Variants in MAJIN observed in about 807,000 individuals in gnomAD.
MAJIN encodes membrane-anchored junction protein.
In MAJIN, 27 loss-of-function variants were observed where a neutral mutation model predicts 30.2. The observed-to-expected ratio is 0.89, with a 90% CI of 0.66 to 1.23. The LOEUF (loss-of-function observed/expected upper bound fraction) is 1.23, where lower values mean the gene tolerates loss of function less well. Among genes scored for constraint, MAJIN ranks in the 50% most tolerant of loss-of-function variants. MAJIN has a pLI of 0.00. For missense variants in MAJIN, 253 were observed against 260.3 expected (o/e 0.97, Z 0.19); for synonymous variants, 78 against 91.6 (o/e 0.85, Z 0.85).
chr11:64,969,258 G>C (rs1467403456), intron 1 of MAJIN, among the ~76,000 whole-genome samples: 1 of 152,188 alleles, frequency 6.6e-6, no homozygotes, highest in Non-Finnish European at 1.5e-5. Context: ...CAGTCTCCTA[G>C]TGTGTAAGGG....
chr11:64,971,540 G>T (rs764874339), intron 1 of MAJIN, among the ~76,000 whole-genome samples: 1 of 151,954 alleles, frequency 6.6e-6, no homozygotes, highest in African/African-American at 2.4e-5. Flanking sequence ...CTCTGGAGTC[G>T]GCGGACGACA....
At chr11:64,944,752 A>G (rs1945425478) in intron 8 of MAJIN, among the ~76,000 whole-genome samples, 1 of 152,182 alleles carries the variant, frequency 6.6e-6, no homozygotes, top group African/African-American at 2.4e-5. Context: ...GAAGAAAGTG[A>G]GTTGTTTGTG....
rs796351384 is a variant in MAJIN, at chr11:64,949,393, C to T, written c.349+350G>A. 5.6e-4 allele frequency among the ~76,000 whole-genome samples: 85 copies of T among 152,228 alleles called. 1 individual carries two copies. Among genetic ancestry groups the T allele is most frequent in the African/African-American group, 1.9e-3 (79 of 41,546 alleles). ...TAAAGTGAAAATCATAGAATTCTCT[C>T]TAATGGAAGGGTTTATATAATAGTT... is the stretch of plus-strand genomic sequence containing the variant. On this transcript the variant is annotated intron_variant, in intron 6 of 10. Coordinates refer to ENST00000301896, the MANE Select transcript of MAJIN (RefSeq NM_001037225.3).
intron 4 of MAJIN, chr11:64,954,487 A>G (rs1945601326): frequency 3.8e-6 from 2 of 531,532 alleles, no homozygotes; most frequent in Non-Finnish European, 6.8e-6. Flanking sequence ...AGCTGCAACA[A>G]AAGAGAGCTG....
chr11:64,959,491 G>T, intron 2 of MAJIN, 69 bp from the exon 3 acceptor site: 1 of 1,228,922 alleles, frequency 8.1e-7, no homozygotes, highest in Non-Finnish European at 1.2e-6. Context: ...AAGGGAACCT[G>T]CCCAATCTGT....
rs765201427 is a variant in MAJIN, at chr11:64,940,598, C to A, written c.522G>T (p.Leu174=). The change falls in exon 9 of 11, where the codon CTG becomes CTT. Residue 174 remains leucine (L), a synonymous_variant. Coordinates refer to ENST00000301896, the MANE Select transcript of MAJIN (RefSeq NM_001037225.3). ...PNKDCRRLWP[L]ISLMSRNKIL... ...CCTTGTTTCTGGACATCAGTGATAT[C>A]AGAGGCCAGAGTCTCCTGCAATCCT... 1 of 1,613,994 alleles carries A rather than the reference C, an allele frequency of 6.2e-7. No individual in the cohort carries two copies. The highest frequency in any genetic ancestry group is 8.5e-7 in the Non-Finnish European group (1 of 1,180,004).
At chr11:64,950,498 CT>C (rs1945535321) in intron 4 of MAJIN, 68 bp from the exon 5 acceptor site, 2 of 1,362,696 alleles carry the variant, frequency 1.5e-6, no homozygotes, top group African/African-American at 1.4e-5. Context: ...ATATTTGTCA[CT>C]GCTACTCACA....
At chr11:64,967,426 G>GA (rs1945829955) in intron 1 of MAJIN, among the ~76,000 whole-genome samples, 2 of 151,226 alleles carry the variant, frequency 1.3e-5, no homozygotes, top group East Asian at 3.9e-4. Context: ...AAAGAAAAAA[G>GA]AAAAAGAAAA....
intron 1 of MAJIN, among the ~76,000 whole-genome samples, chr11:64,971,228 G>A (rs892810214): frequency 6.6e-6 from 1 of 152,176 alleles, no homozygotes; most frequent in East Asian, 1.9e-4. Context: ...AGGAGTTCAA[G>A]ACCAGCCTGG....
At chr11:64,962,989 T>C (rs1180863731) in intron 1 of MAJIN, among the ~76,000 whole-genome samples, 1 of 152,008 alleles carries the variant, frequency 6.6e-6, no homozygotes, top group African/African-American at 2.4e-5. Flanking sequence ...TGGCCGGGCG[T>C]GGTGGGGGGC....
intron 8 of MAJIN, among the ~76,000 whole-genome samples, chr11:64,945,601 A>G (rs941225021): frequency 1.4e-4 from 21 of 151,702 alleles, no homozygotes; most frequent in Admixed American, 3.3e-4. Context: ...AGTGGCACGA[A>G]CTCAGCTCAC....
chr11:64,939,815 G>A lies in MAJIN; in HGVS notation c.547-48C>T, dbSNP rs749317376. On this transcript the variant is annotated intron_variant, in intron 9 of 10. Transcript: ENST00000301896. ...GGAGCAAGATGTTTGTCCATAGGCC[G>A]TTTTCATGTGAGTAGAAGGCCAAAC... 21 of 1,560,068 alleles carry A rather than the reference G, an allele frequency of 1.3e-5. No homozygotes were observed. In the East Asian group the frequency reaches 2.3e-4, roughly 17 times the overall value.
In MAJIN at chr11:64,956,763, G is replaced by GTTT. The variant is rs398016405; in HGVS notation, c.102-1964_102-1962dup. Among the ~76,000 whole-genome samples the GTTT allele has an allele frequency of 3.1e-3, 314 of 102,376 alleles. 2 individuals are homozygous for GTTT. Among genetic ancestry groups the GTTT allele is most frequent in the Middle Eastern group, 6.5e-3 (1 of 154 alleles). The allele number at this position is 102,376 out of a possible 152,430, so 67.2% of individuals were successfully genotyped here. ...TCCAAACTACAAATACATATAAGCT[G>GTTT]TTTTTTTTTTTTTTTTTTTTGAGAT... is the stretch of plus-strand genomic sequence containing the variant. On this transcript the variant is annotated intron_variant, in intron 3 of 10. Coordinates refer to ENST00000301896, the MANE Select transcript of MAJIN (RefSeq NM_001037225.3).
In MAJIN at chr11:64,940,603, G is replaced by A; in HGVS notation, c.517C>T (p.Pro173Ser). The A allele has an allele frequency of 1.9e-6, 3 of 1,614,060 alleles. No individual in the cohort carries two copies. The highest frequency in any genetic ancestry group is 2.5e-6 in the Non-Finnish European group (3 of 1,179,976). Residue 173 changes from proline (P) to serine (S), a missense_variant, in exon 9 of 11, where the codon CCT becomes TCT. Coordinates refer to ENST00000301896, the MANE Select transcript of MAJIN (RefSeq NM_001037225.3). ...KPNKDCRRLW[P>S]LISLMSRNKI... ...TTTCTGGACATCAGTGATATCAGAGGCCAGAGTCTCCTGCAATCCTTGTTG... is the reference window on the plus strand; with the variant it reads ...TTTCTGGACATCAGTGATATCAGAGACCAGAGTCTCCTGCAATCCTTGTTG...
chr11:64,947,374 C>G lies in MAJIN; in HGVS notation c.473G>C (p.Arg158Thr). The stretch of plus-strand genomic sequence containing the variant: ...GAGCCTCTCTCCCCACACCACTGAC[C>G]TGTCCAGCCCTGGCCTGCTGGGGGA... Reference protein sequence around the residue: ...PSSPSRPGLDRIGKEKPNKDC... With the variant: ...PSSPSRPGLDTIGKEKPNKDC... Residue 158 changes from arginine to threonine, a missense_variant and splice_region_variant, in exon 8 of 11, where the codon AGA becomes ACA. By Grantham distance (71) the Arg-to-Thr change is moderately conservative (BLOSUM62 -1). Transcript: ENST00000301896. 6.2e-7 allele frequency: 1 copy of G among 1,612,436 alleles called. No homozygotes were observed. The highest frequency in any genetic ancestry group is 8.5e-7 in the Non-Finnish European group (1 of 1,179,638).
intron 1 of MAJIN, among the ~76,000 whole-genome samples, chr11:64,964,280 G>A (rs902320543): frequency 6.6e-6 from 1 of 152,106 alleles, no homozygotes; most frequent in Non-Finnish European, 1.5e-5. Context: ...TGGTCTCAGA[G>A]GTCTGTCCAC....
At chr11:64,966,145 G>GAAAAAAAAAATA (rs1945804863) in intron 1 of MAJIN, among the ~76,000 whole-genome samples, 1 of 57,100 alleles carries the variant, frequency 1.8e-5, no homozygotes, top group African/African-American at 6.9e-5. Flanking sequence ...GATTAAAAAT[G>GAAAAAAAAAATA]AAAAAAAAAA....
chr11:64,962,398 G>A (rs1001858282), intron 1 of MAJIN, among the ~76,000 whole-genome samples: 16 of 152,162 alleles, frequency 1.1e-4, no homozygotes, highest in African/African-American at 3.4e-4. Flanking sequence ...ATATTTCACA[G>A]GGTTATTTTC....
intron 1 of MAJIN, among the ~76,000 whole-genome samples, chr11:64,970,063 T>C (rs1010805177): frequency 5.3e-5 from 8 of 151,594 alleles, no homozygotes; most frequent in African/African-American, 7.3e-5. Context: ...GGAACTAGAG[T>C]TCAAAAAAGT....
Sources: gnomAD v4.1 joint callset for allele counts (sites outside exome capture counted in the v4.1 genomes callset) on GRCh38, gnomAD v4.1.1 for gene constraint, MANE v1.5 for transcripts, NCBI Gene and HGNC (gene_info 2026-07-23, HGNC 2026-07-21) for gene names.